Variants in GULP1 observed in about 807,000 individuals in gnomAD.
The protein encoded by GULP1 is GULP PTB domain containing engulfment adaptor 1, also known as PTB domain-containing engulfment adapter protein 1.
GULP1 carries 19 observed loss-of-function variants against 40.9 expected under a neutral mutation model. The observed-to-expected ratio is 0.46, with a 90% CI of 0.32 to 0.68. The LOEUF (loss-of-function observed/expected upper bound fraction) is 0.68, where lower values mean the gene tolerates loss of function less well. Among genes scored for constraint, GULP1 ranks in the 30% least tolerant of loss-of-function variants. The pLI, the probability that GULP1 is intolerant of heterozygous loss-of-function variation, is 0.03. For missense variants in GULP1, 312 were observed against 362.2 expected, an observed-to-expected ratio of 0.86 and a Z score of 1.12; for synonymous variants, 119 against 117.6, an observed-to-expected ratio of 1.01 and a Z score of -0.08.
chr2:188,449,188 A>C (rs1187608295), intron 2 of GULP1, among the ~76,000 whole-genome samples: 1 of 152,176 alleles, frequency 6.6e-6, no homozygotes, highest in Non-Finnish European at 1.5e-5. Flanking sequence ...TGTCTTTTCC[A>C]ACCCCATTTT....
At position 188,329,642 on chromosome 2, in the gene GULP1, G is replaced by A. The variant is rs138922256; in HGVS notation, c.-172+37476G>A. The stretch of plus-strand genomic sequence containing the variant: ...ACTCAGAATGAGATTAGAAATTAGC[G>A]GAGGTGATGATAAGCTTATAATGTG... On this transcript the variant is annotated intron_variant, in intron 1 of 11. Transcript: ENST00000409830. Among the ~76,000 whole-genome samples the A allele has an allele frequency of 6.4e-3, 968 of 152,158 alleles. 23 individuals are homozygous for A. The highest frequency in any genetic ancestry group is 1.4e-3 in the Non-Finnish European group (96 of 67,996).
chr2:188,382,236 A>C (rs2152500668), intron 1 of GULP1, among the ~76,000 whole-genome samples: 1 of 152,266 alleles, frequency 6.6e-6, no homozygotes, highest in South Asian at 2.1e-4. Flanking sequence ...CCAGGGAATT[A>C]ATGCCCCTGG....
intron 9 of GULP1, among the ~76,000 whole-genome samples, chr2:188,580,879 A>T (rs1041112671): frequency 6.6e-6 from 1 of 152,194 alleles, no homozygotes; most frequent in African/African-American, 2.4e-5. Flanking sequence ...GTGGTGAAAG[A>T]TCTCTGACAT....
At chr2:188,524,397 T>A (rs536874760) in intron 5 of GULP1, among the ~76,000 whole-genome samples, 6 of 151,984 alleles carry the variant, frequency 3.9e-5, no homozygotes, top group African/African-American at 1.4e-4. Context: ...AGGTAAAAAA[T>A]TAGGTAGTAT....
intron 2 of GULP1, among the ~76,000 whole-genome samples, chr2:188,422,055 T>C (rs901468114): frequency 4.0e-5 from 6 of 150,102 alleles, no homozygotes; most frequent in Non-Finnish European, 7.4e-5. Flanking sequence ...GCAACTTAAA[T>C]AATCATTGAC....
chr2:188,343,523 G>A (rs1025278933), intron 1 of GULP1, among the ~76,000 whole-genome samples: 6 of 152,098 alleles, frequency 3.9e-5, no homozygotes, highest in African/African-American at 1.4e-4. Context: ...GATCCTTAAA[G>A]CGAATTACAA....
intron 1 of GULP1, chr2:188,293,225 T>A (rs1472909607): frequency 6.6e-6 from 1 of 152,138 alleles, no homozygotes; most frequent in Non-Finnish European, 1.5e-5. Flanking sequence ...TAGGTCCTAG[T>A]AGTGTTTCCC....
intron 2 of GULP1, among the ~76,000 whole-genome samples, chr2:188,433,674 GT>G (rs1225610642): frequency 6.6e-6 from 1 of 152,082 alleles, no homozygotes; most frequent in Non-Finnish European, 1.5e-5. Context: ...CAGGTCCTGA[GT>G]TTTCTCTGAG....
intron 1 of GULP1, among the ~76,000 whole-genome samples, chr2:188,312,682 A>G (rs1574324010): frequency 6.6e-6 from 1 of 152,264 alleles, no homozygotes; most frequent in Middle Eastern, 3.4e-3. Context: ...TTGCTGGGTC[A>G]AATGCTATTT....
At chr2:188,321,804 G>A (rs537091783) in intron 1 of GULP1, among the ~76,000 whole-genome samples, 2 of 152,038 alleles carry the variant, frequency 1.3e-5, no homozygotes, top group African/African-American at 2.4e-5. Flanking sequence ...ATCACCTAAG[G>A]TCAGGAGTTT....
At chr2:188,317,489 G>T (rs1240874995) in intron 1 of GULP1, among the ~76,000 whole-genome samples, 1 of 152,084 alleles carries the variant, frequency 6.6e-6, no homozygotes, top group Non-Finnish European at 1.5e-5. Context: ...GCATGTTTTT[G>T]TCTGTTGGAG....
chr2:188,352,618 T>TCTCA (rs578003996), intron 1 of GULP1, among the ~76,000 whole-genome samples: 5 of 134,406 alleles, frequency 3.7e-5, no homozygotes, highest in Admixed American at 2.3e-4. Context: ...TCTCTCTCTC[T>TCTCA]CACACACACA....
At chr2:188,541,712 G>A in intron 7 of GULP1, 1 of 295,652 alleles carries the variant, frequency 3.4e-6, no homozygotes, top group Non-Finnish European at 6.1e-6. Context: ...AGAATATGAT[G>A]GATTTTATGA....
chr2:188,420,311 A>G (rs569013185), intron 2 of GULP1, among the ~76,000 whole-genome samples: 1 of 152,334 alleles, frequency 6.6e-6, no homozygotes, highest in African/African-American at 2.4e-5. Context: ...TTCAATAAAT[A>G]CAGGATGTTT....
Position 188,373,426 on chromosome 2 carries a change from A to T in GULP1, c.-171-10337A>T, listed in dbSNP as rs370278729. On this transcript the variant is annotated intron_variant, in intron 1 of 11. Transcript: ENST00000409830. ...TTGTGATGCTGTCCTGTATACCAGC[A>T]TCCAGTTTTCAATACTGAAATTGTA... Among the ~76,000 whole-genome samples, 33 of 152,080 alleles carry T rather than the reference A, an allele frequency of 2.2e-4. 1 individual carries two copies. The highest frequency in any genetic ancestry group is 7.9e-4 in the African/African-American group (33 of 41,574).
chr2:188,500,253 A>G (rs900822681), intron 4 of GULP1, among the ~76,000 whole-genome samples: 3 of 151,954 alleles, frequency 2.0e-5, no homozygotes, highest in Admixed American at 6.6e-5. Context: ...GACACAATGT[A>G]CGTGAGAAAC....
At chr2:188,539,763 T>C (rs2153309247) in intron 6 of GULP1, among the ~76,000 whole-genome samples, 1 of 152,248 alleles carries the variant, frequency 6.6e-6, no homozygotes, top group South Asian at 2.1e-4. Context: ...TCATTTTATA[T>C]ATTCATTTTC....
chr2:188,346,555 C>T (rs905254385), intron 1 of GULP1, among the ~76,000 whole-genome samples: 1 of 151,058 alleles, frequency 6.6e-6, no homozygotes, highest in East Asian at 2.0e-4. Flanking sequence ...TGCAGTGGTG[C>T]GATCTCGGGT....
At chr2:188,371,997 C>T (rs953052912) in intron 1 of GULP1, among the ~76,000 whole-genome samples, 13 of 62,284 alleles carry the variant, frequency 2.1e-4, no homozygotes, top group Non-Finnish European at 3.0e-4. Context: ...GAGGTAGCTA[C>T]ATCATTGATT....
Sources: gnomAD v4.1 joint callset for allele counts (sites outside exome capture counted in the v4.1 genomes callset) on GRCh38, gnomAD v4.1.1 for gene constraint, MANE v1.5 for transcripts, NCBI Gene and HGNC (gene_info 2026-07-23, HGNC 2026-07-21) for gene names.